Variants in MEIKIN observed in about 807,000 individuals in gnomAD.
MEIKIN encodes the protein meiosis-specific kinetochore protein.
intron 11 of MEIKIN, among the ~76,000 whole-genome samples, chr5:131,835,940 T>A (rs977893262): frequency 6.6e-6 from 1 of 152,226 alleles, no homozygotes; most frequent in African/African-American, 2.4e-5. Context: ...AGGTAGAGGT[T>A]TGTTATTAGG....
chr5:131,904,132 A>G lies in MEIKIN; in HGVS notation c.703+7683T>C, dbSNP rs184893338. ...ACAAGAAGACCTATCTTTCCTAAAT[A>G]TATATGCACCTAACACAGGAGCACC... On this transcript the variant is annotated intron_variant, in intron 8 of 12. Transcript: ENST00000442687. 2.3e-3 allele frequency among the ~76,000 whole-genome samples: 356 copies of G among 152,336 alleles called. 3 individuals carry two copies. Among genetic ancestry groups the G allele is most frequent in the Middle Eastern group, 6.8e-3 (2 of 294 alleles).
chr5:131,819,528 A>G (rs1284322297), intron 11 of MEIKIN, among the ~76,000 whole-genome samples: 1 of 151,694 alleles, frequency 6.6e-6, no homozygotes, highest in African/African-American at 2.4e-5. Context: ...CTTGTTTTTT[A>G]GAATTAAGAA....
At chr5:131,938,165 C>CT (rs3043872) in intron 4 of MEIKIN, among the ~76,000 whole-genome samples, 5,326 of 126,584 alleles carry the variant, frequency 0.042, 214 homozygotes, top group African/African-American at 0.071. Context: ...CCCTCACCCC[C>CT]TTTTTTTTTT....
chr5:131,873,262 T>G (rs1299553656), intron 9 of MEIKIN, among the ~76,000 whole-genome samples: 1 of 152,060 alleles, frequency 6.6e-6, no homozygotes, highest in Admixed American at 6.6e-5. Context: ...CCATCTCACA[T>G]GCAGAGACAC....
chr5:131,896,192 G>A (rs2149636795), intron 8 of MEIKIN, among the ~76,000 whole-genome samples: 1 of 152,236 alleles, frequency 6.6e-6, no homozygotes, highest in South Asian at 2.1e-4. Flanking sequence ...GTAGTTGTGT[G>A]GTTTTGAGTG....
In MEIKIN at chr5:131,943,260, C is replaced by CATCT. The variant is rs534866426; in HGVS notation, c.289-569_289-566dup. Among the ~76,000 whole-genome samples, 483 of 152,182 alleles carry CATCT rather than the reference C, an allele frequency of 3.2e-3. 3 individuals carry two copies. The highest frequency in any genetic ancestry group is 0.011 in the African/African-American group (459 of 41,536). On this transcript the variant is annotated intron_variant, in intron 3 of 12. Coordinates refer to ENST00000442687, the MANE Select transcript of MEIKIN (RefSeq NM_001303622.2). ...GAAAAGTAAAAAACATGCTACTTTTCATCTATCTATCTATCTATTTCATAT... is the reference window on the plus strand; with the variant it reads ...GAAAAGTAAAAAACATGCTACTTTTCATCTATCTATCTATCTATCTATTTCATAT...
intron 11 of MEIKIN, among the ~76,000 whole-genome samples, chr5:131,838,040 A>G (rs1419196566): frequency 6.6e-6 from 1 of 152,130 alleles, no homozygotes; most frequent in Non-Finnish European, 1.5e-5. Flanking sequence ...TTCAATATCT[A>G]GTTTATTGAT....
At chr5:131,861,574 G>A (rs953091636) in intron 9 of MEIKIN, among the ~76,000 whole-genome samples, 1 of 152,246 alleles carries the variant, frequency 6.6e-6, no homozygotes, top group East Asian at 1.9e-4. Flanking sequence ...TCAGTCTGAT[G>A]TCAGCTGTGG....
At chr5:131,918,515 A>G (rs1452427463) in intron 6 of MEIKIN, among the ~76,000 whole-genome samples, 1 of 152,212 alleles carries the variant, frequency 6.6e-6, no homozygotes, top group African/African-American at 2.4e-5. Context: ...CAACTTTCCA[A>G]TAAAGGACCC....
intron 9 of MEIKIN, among the ~76,000 whole-genome samples, chr5:131,874,663 G>T (rs1462422630): frequency 2.0e-5 from 3 of 152,188 alleles, no homozygotes; most frequent in East Asian, 3.8e-4. Flanking sequence ...GCATCATCCT[G>T]ATACCAAAGT....
intron 11 of MEIKIN, among the ~76,000 whole-genome samples, chr5:131,826,086 C>CTTTTTT (rs35951729): frequency 1.6e-5 from 2 of 124,976 alleles, no homozygotes; most frequent in African/African-American, 3.0e-5. Flanking sequence ...TTCTTGTTTT[C>CTTTTTT]TTTTTTTTTT....
intron 12 of MEIKIN, among the ~76,000 whole-genome samples, chr5:131,815,672 A>C (rs1189085213): frequency 6.6e-6 from 1 of 152,238 alleles, no homozygotes; most frequent in Non-Finnish European, 1.5e-5. Flanking sequence ...ACTACTCCAC[A>C]ATGGTGGTAA....
chr5:131,811,738 C>T (rs1772960603), intron 12 of MEIKIN, among the ~76,000 whole-genome samples: 1 of 152,166 alleles, frequency 6.6e-6, no homozygotes, highest in African/African-American at 2.4e-5. Context: ...TCCTGAATAG[C>T]TGGGCCTACA....
At chr5:131,890,169 G>C (rs1750883596) in intron 8 of MEIKIN, among the ~76,000 whole-genome samples, 1 of 152,056 alleles carries the variant, frequency 6.6e-6, no homozygotes, top group African/African-American at 2.4e-5. Context: ...CTCTCTTTTT[G>C]TTGTGTCTCT....
At position 131,809,267 on chromosome 5, in the gene MEIKIN, T is replaced by G. The variant is rs77202495; in HGVS notation, c.1100-2009A>C. ...ATAACTGGAGAACTTCATCTTTTCA[T>G]TCTATAACCATATGACACTAAAACA... On this transcript the variant is annotated intron_variant, in intron 12 of 12. Coordinates refer to ENST00000442687, the MANE Select transcript of MEIKIN (RefSeq NM_001303622.2). Among the ~76,000 whole-genome samples the G allele has an allele frequency of 3.3e-5, 5 of 152,298 alleles. No homozygotes were observed. In the East Asian group the frequency reaches 9.6e-4, roughly 29 times the overall value.
chr5:131,877,096 A>G (rs1238494690), intron 9 of MEIKIN, among the ~76,000 whole-genome samples: 1 of 152,102 alleles, frequency 6.6e-6, no homozygotes, highest in Admixed American at 6.6e-5. Context: ...ATGTATACAT[A>G]TGTAACAAAC....
At position 131,871,842 on chromosome 5, in the gene MEIKIN, A is replaced by G. The variant is rs192521895; in HGVS notation, c.774+7136T>C. 4.7e-4 allele frequency among the ~76,000 whole-genome samples: 72 copies of G among 152,236 alleles called. No individual in the cohort carries two copies. The East Asian group carries it at 5.2e-3, about 11-fold the overall frequency. On this transcript the variant is annotated intron_variant, in intron 9 of 12. Coordinates refer to ENST00000442687, the MANE Select transcript of MEIKIN (RefSeq NM_001303622.2). ...AGGCAGCAGCATTTGCGGTTCACCA[A>G]TATCCGATGTTCTGCAGCCACCACT...
rs556053057 is a variant in MEIKIN at position 131,898,410 on chromosome 5, A to G, written c.703+13405T>C. Among the ~76,000 whole-genome samples, 73 of 152,338 alleles carry G rather than the reference A, an allele frequency of 4.8e-4. 2 individuals are homozygous for G. The South Asian group carries it at 0.014, about 30-fold the overall frequency. ...ACCCACTTGAGGAGGCAGTCTGTCC[A>G]TTCTCAGAGCTCAAACGCTGTGCTG... is the stretch of plus-strand genomic sequence containing the variant. On this transcript the variant is annotated intron_variant, in intron 8 of 12. Transcript: ENST00000442687.
intron 5 of MEIKIN, among the ~76,000 whole-genome samples, chr5:131,926,307 C>T (rs1751586257): frequency 6.6e-6 from 1 of 152,080 alleles, no homozygotes; most frequent in African/African-American, 2.4e-5. Context: ...GTAATTGTTA[C>T]CCTTCATTCT....
Sources: allele counts gnomAD v4.1 joint callset (sites outside exome capture counted in the v4.1 genomes callset), GRCh38; gene constraint gnomAD v4.1.1; transcripts MANE v1.5; gene names NCBI Gene and HGNC (gene_info 2026-07-23, HGNC 2026-07-21).